The following DLG2 variants were observed in gnomAD, a reference collection of about 807,000 sequenced individuals.
DLG2 encodes discs large MAGUK scaffold protein 2.
DLG2 carries 45 observed loss-of-function variants against 132.5 expected under a neutral mutation model. That is an observed-to-expected ratio of 0.34 (90% confidence interval 0.27 to 0.44). The LOEUF (loss-of-function observed/expected upper bound fraction) is 0.44. Ranked by LOEUF, DLG2 falls within the 20% of genes least tolerant of loss-of-function variation. The pLI is 1.00. For missense variants in DLG2, 1,045 were observed against 1,196.9 expected, an observed-to-expected ratio of 0.87 and a Z score of 1.87; for synonymous variants, 424 against 419.6, an observed-to-expected ratio of 1.01 and a Z score of -0.13.
intron 3 of DLG2, among the ~76,000 whole-genome samples, chr11:85,289,583 C>T (rs913714762): frequency 1.3e-5 from 2 of 152,174 alleles, no homozygotes; most frequent in African/African-American, 4.8e-5. Context: ...TGTCTTCTTA[C>T]AGCTTCAACA....
intron 7 of DLG2, among the ~76,000 whole-genome samples, chr11:84,287,351 CTG>C (rs1024282283): frequency 2.0e-5 from 3 of 152,050 alleles, no homozygotes; most frequent in South Asian, 2.1e-4. Context: ...AGATATGAAA[CTG>C]AGATCTAGAC....
intron 3 of DLG2, among the ~76,000 whole-genome samples, chr11:85,305,599 G>A (rs958971090): frequency 2.0e-5 from 3 of 151,998 alleles, no homozygotes; most frequent in African/African-American, 7.3e-5. Flanking sequence ...TGCAAGCTCC[G>A]CCTCCCGGGT....
intron 7 of DLG2, among the ~76,000 whole-genome samples, chr11:84,384,545 G>A (rs1750276362): frequency 1.3e-5 from 2 of 151,950 alleles, no homozygotes; most frequent in South Asian, 4.2e-4. Context: ...ATACTGAACT[G>A]CGTAACCTTT....
chr11:84,022,632 T>C (rs1400581552), intron 11 of DLG2, among the ~76,000 whole-genome samples: 1 of 152,230 alleles, frequency 6.6e-6, no homozygotes, highest in African/African-American at 2.4e-5. Flanking sequence ...ATCTGACTTT[T>C]GAGCAAAAGC....
chr11:84,838,446 A>G (rs1219696533), intron 6 of DLG2, among the ~76,000 whole-genome samples: 1 of 151,952 alleles, frequency 6.6e-6, no homozygotes, highest in Non-Finnish European at 1.5e-5. Context: ...CAAATAGACA[A>G]AAATCACTGA....
intron 6 of DLG2, among the ~76,000 whole-genome samples, chr11:84,694,704 T>C (rs1028123959): frequency 6.6e-6 from 1 of 151,602 alleles, no homozygotes; most frequent in African/African-American, 2.4e-5. Context: ...TGAATATCCA[T>C]GGTCATGTAA....
rs1018973368 is a variant in DLG2, at chr11:85,282,698, T to C, written c.186+2522A>G. On this transcript the variant is annotated intron_variant, in intron 4 of 27. Transcript: ENST00000376104. ...TATATATTTATCATTTATGCTTCTA[T>C]GCAATATATATGGGACTATGCATCT... 2.8e-4 allele frequency among the ~76,000 whole-genome samples: 42 copies of C among 151,960 alleles called. 2 individuals carry two copies. The highest frequency in any genetic ancestry group is 2.6e-3 in the Admixed American group (40 of 15,212).
At chr11:85,305,398 G>GAA (rs752538485) in intron 3 of DLG2, among the ~76,000 whole-genome samples, 3 of 152,172 alleles carry the variant, frequency 2.0e-5, no homozygotes, top group Non-Finnish European at 4.4e-5. Context: ...TGTCACCAAC[G>GAA]AAACAGTAAA....
chr11:84,238,065 GAAAGA>G (rs1290380921), intron 8 of DLG2, among the ~76,000 whole-genome samples: 5 of 118,732 alleles, frequency 4.2e-5, no homozygotes, highest in South Asian at 2.8e-4. Flanking sequence ...AAAAAAAAAA[GAAAGA>G]AAAGAAAAGA....
At chr11:84,417,782 T>C (rs188116366) in intron 7 of DLG2, among the ~76,000 whole-genome samples, 2 of 152,176 alleles carry the variant, frequency 1.3e-5, no homozygotes, top group African/African-American at 4.8e-5. Context: ...CACCATTTTA[T>C]GTATTATTTT....
chr11:83,711,175 C>A (rs1170131558), intron 18 of DLG2, among the ~76,000 whole-genome samples: 2 of 152,122 alleles, frequency 1.3e-5, no homozygotes, highest in Non-Finnish European at 2.9e-5. Flanking sequence ...CTTGTGCACA[C>A]AAAGAGAACT....
intron 5 of DLG2, among the ~76,000 whole-genome samples, chr11:85,117,611 G>GAA (rs11317554): frequency 5.8e-5 from 7 of 120,258 alleles, no homozygotes; most frequent in African/African-American, 1.8e-4. Context: ...TAGGTAAATA[G>GAA]AAAAAAAAAA....
At chr11:85,031,947 C>CT (rs11389028) in intron 6 of DLG2, among the ~76,000 whole-genome samples, 20,313 of 51,632 alleles carry the variant, frequency 0.39, 7,058 homozygotes, top group East Asian at 0.79. Flanking sequence ...TGACAACTGG[C>CT]TTTTTTTTTT....
intron 6 of DLG2, among the ~76,000 whole-genome samples, chr11:84,873,811 A>T (rs982042904): frequency 6.6e-6 from 1 of 152,224 alleles, no homozygotes; most frequent in African/African-American, 2.4e-5. Context: ...GAATCTTAAC[A>T]ATCTATTGAT....
chr11:83,788,155 T>G (rs2040525069), intron 17 of DLG2, among the ~76,000 whole-genome samples: 2 of 152,218 alleles, frequency 1.3e-5, no homozygotes, highest in Admixed American at 1.3e-4. Context: ...CGTATTTTGC[T>G]TTTCATCAAT....
intron 7 of DLG2, among the ~76,000 whole-genome samples, chr11:84,305,282 A>G (rs2098203231): frequency 6.6e-6 from 1 of 152,210 alleles, no homozygotes; most frequent in South Asian, 2.1e-4. Flanking sequence ...TATATTTATA[A>G]AGAATAAATT....
intron 6 of DLG2, among the ~76,000 whole-genome samples, chr11:84,544,701 T>C (rs1226124079): frequency 6.6e-6 from 1 of 152,152 alleles, no homozygotes; most frequent in Admixed American, 6.6e-5. Context: ...AATTACAATA[T>C]ATATCTCATA....
At chr11:84,106,342 G>C (rs2092912160) in intron 9 of DLG2, among the ~76,000 whole-genome samples, 1 of 152,110 alleles carries the variant, frequency 6.6e-6, no homozygotes, top group Non-Finnish European at 1.5e-5. Context: ...TCTGTCTCAT[G>C]TTACGATATC....
At chr11:84,859,385 C>CATACATAT (rs1326491916) in intron 6 of DLG2, among the ~76,000 whole-genome samples, 108 of 141,606 alleles carry the variant, frequency 7.6e-4, no homozygotes, top group African/African-American at 2.7e-3. Context: ...CATATATATG[C>CATACATAT]ATACATATAT....
Sources: gnomAD v4.1 joint callset for allele counts (sites outside exome capture counted in the v4.1 genomes callset) on GRCh38, gnomAD v4.1.1 for gene constraint, MANE v1.5 for transcripts, NCBI Gene and HGNC (gene_info 2026-07-23, HGNC 2026-07-21) for gene names.